FAR2: variants seen among roughly 807,000 people sequenced by gnomAD.
The protein encoded by FAR2 is fatty acyl-CoA reductase 2.
A neutral mutation model predicts 56.0 loss-of-function variants in FAR2; 19 were observed. The ratio of observed to expected loss-of-function variants is 0.34; its 90% CI spans 0.24 to 0.50. The LOEUF (loss-of-function observed/expected upper bound fraction) is 0.50, where lower values mean the gene tolerates loss of function less well. FAR2 is among the 20% of genes least tolerant of loss of function. The pLI, the probability that FAR2 is intolerant of heterozygous loss-of-function variation, is 0.98. For missense variants in FAR2, 508 were observed against 642.2 expected (o/e 0.79, Z 2.26); for synonymous variants, 219 against 218.8 (o/e 1.00, Z -0.01).
intron 1 of FAR2, among the ~76,000 whole-genome samples, chr12:29,199,851 G>A (rs895178977): frequency 3.3e-5 from 5 of 152,162 alleles, no homozygotes; most frequent in Non-Finnish European, 5.9e-5. Context: ...TCTGGCTAGA[G>A]TGACCAGGAG....
intron 1 of FAR2, among the ~76,000 whole-genome samples, chr12:29,192,280 C>T (rs1472420848): frequency 6.6e-6 from 1 of 152,160 alleles, no homozygotes; most frequent in Non-Finnish European, 1.5e-5. Context: ...TTGATTTATG[C>T]ACATTTTATG....
chr12:29,314,338 T>C (rs2039713406), intron 8 of FAR2, among the ~76,000 whole-genome samples: 1 of 152,038 alleles, frequency 6.6e-6, no homozygotes, highest in Admixed American at 6.6e-5. Flanking sequence ...CCCACACAGA[T>C]GTTATATGCT....
In FAR2 at chr12:29,264,679, G is replaced by A. The variant is rs1280900019; in HGVS notation, c.-38-5733G>A. Among the ~76,000 whole-genome samples, 10 of 68,492 alleles carry A rather than the reference G, an allele frequency of 1.5e-4. No homozygotes were observed. In the East Asian group the frequency reaches 2.8e-3, roughly 19 times the overall value. The allele number at this position is 68,492 out of a possible 152,430, so 44.9% of individuals were successfully genotyped here. A position where few individuals can be genotyped will look rare whatever the true frequency, so the allele number is the denominator to read the frequency against. On this transcript the variant is annotated intron_variant, in intron 1 of 11. Transcript: ENST00000536681. ...AATAAAGGAGAGAGAGAGAGAGGAG[G>A]AGAGGGAGAGGGAGAAAGAGAGAAA...
At chr12:29,161,265 C>T (rs1015314001) in intron 1 of FAR2, among the ~76,000 whole-genome samples, 3 of 152,188 alleles carry the variant, frequency 2.0e-5, no homozygotes, top group Non-Finnish European at 2.9e-5. Flanking sequence ...TATAAGCTCC[C>T]CTCATACTCC....
intron 1 of FAR2, among the ~76,000 whole-genome samples, chr12:29,267,362 A>T (rs1032718610): frequency 6.6e-6 from 1 of 152,212 alleles, no homozygotes; most frequent in Non-Finnish European, 1.5e-5. Flanking sequence ...GTATTCACTC[A>T]TTCCATCCTT....
At chr12:29,221,656 C>T (rs1947693012) in intron 1 of FAR2, among the ~76,000 whole-genome samples, 1 of 152,082 alleles carries the variant, frequency 6.6e-6, no homozygotes, top group Admixed American at 6.5e-5. Context: ...ATCTCAAAGC[C>T]AGTTTTCTCC....
At chr12:29,287,990 T>G (rs1263569258) in intron 2 of FAR2, among the ~76,000 whole-genome samples, 2 of 151,822 alleles carry the variant, frequency 1.3e-5, no homozygotes, top group Non-Finnish European at 2.9e-5. Flanking sequence ...ACCAGACAAA[T>G]TTTTTTTTCT....
chr12:29,197,603 G>A (rs1050532060), intron 1 of FAR2, among the ~76,000 whole-genome samples: 1 of 151,930 alleles, frequency 6.6e-6, no homozygotes, highest in Admixed American at 6.6e-5. Flanking sequence ...CTATAGAGAA[G>A]GATACAAATG....
intron 2 of FAR2, among the ~76,000 whole-genome samples, chr12:29,276,278 C>T (rs1565500788): frequency 6.6e-6 from 1 of 152,118 alleles, no homozygotes; most frequent in Admixed American, 6.5e-5. Context: ...AGGCTGTATA[C>T]TAAGTTATGC....
intron 1 of FAR2, among the ~76,000 whole-genome samples, chr12:29,173,201 G>T (rs1023728235): frequency 6.6e-6 from 1 of 152,202 alleles, no homozygotes; most frequent in Admixed American, 6.5e-5. Flanking sequence ...AGAGGGAGAA[G>T]GGGACGTGTA....
At chr12:29,275,415 C>T (rs1028499029) in intron 2 of FAR2, among the ~76,000 whole-genome samples, 5 of 152,088 alleles carry the variant, frequency 3.3e-5, no homozygotes, top group Admixed American at 1.3e-4. Context: ...TGGATGTGTA[C>T]GTGCAGGTCA....
intron 1 of FAR2, among the ~76,000 whole-genome samples, chr12:29,176,871 G>T (rs536373028): frequency 1.3e-4 from 20 of 152,182 alleles, no homozygotes; most frequent in Non-Finnish European, 2.6e-4. Flanking sequence ...TAGATTAACT[G>T]AATACTTTTT....
intron 1 of FAR2, among the ~76,000 whole-genome samples, chr12:29,219,637 AAG>A (rs1270834813): frequency 6.6e-6 from 1 of 152,154 alleles, no homozygotes; most frequent in African/African-American, 2.4e-5. Context: ...AGAAAAAAAA[AAG>A]AGAAGGAACC....
intron 1 of FAR2, among the ~76,000 whole-genome samples, chr12:29,175,550 G>A (rs965231078): frequency 6.6e-6 from 1 of 152,214 alleles, no homozygotes; most frequent in African/African-American, 2.4e-5. Context: ...TGCTGGCTGG[G>A]GTGGCCAGCT....
intron 1 of FAR2, among the ~76,000 whole-genome samples, chr12:29,230,617 C>T (rs1201243713): frequency 6.6e-6 from 1 of 151,814 alleles, no homozygotes; most frequent in Non-Finnish European, 1.5e-5. Flanking sequence ...GAGGCATTTA[C>T]AATAATGGTT....
intron 1 of FAR2, among the ~76,000 whole-genome samples, chr12:29,185,974 A>G (rs372820039): frequency 6.6e-6 from 1 of 152,220 alleles, no homozygotes; most frequent in African/African-American, 2.4e-5. Context: ...GCATTAGTCT[A>G]TATTTCAGAC....
intron 10 of FAR2, among the ~76,000 whole-genome samples, chr12:29,328,391 C>T (rs1438889013): frequency 1.3e-5 from 2 of 152,114 alleles, no homozygotes; most frequent in Non-Finnish European, 2.9e-5. Flanking sequence ...TTGACCCAGC[C>T]ATCCCATTAC....
At chr12:29,295,372 C>T (rs1949045459) in intron 3 of FAR2, among the ~76,000 whole-genome samples, 1 of 152,162 alleles carries the variant, frequency 6.6e-6, no homozygotes, top group Admixed American at 6.5e-5. Flanking sequence ...CCGTGCCCAG[C>T]CACACTTCCA....
At chr12:29,222,225 A>G (rs2136640399) in intron 1 of FAR2, among the ~76,000 whole-genome samples, 1 of 152,286 alleles carries the variant, frequency 6.6e-6, no homozygotes, top group African/African-American at 2.4e-5. Context: ...TGAGCATTAC[A>G]TACTCTTCCA....
Sources: allele counts gnomAD v4.1 joint callset (sites outside exome capture counted in the v4.1 genomes callset), GRCh38; gene constraint gnomAD v4.1.1; transcripts MANE v1.5; gene names NCBI Gene and HGNC (gene_info 2026-07-23, HGNC 2026-07-21).